Variants in MYBL1 observed in about 807,000 individuals in gnomAD.
MYBL1 encodes MYB proto-oncogene like 1.
A neutral mutation model predicts 96.3 loss-of-function variants in MYBL1; 17 were observed. That is an observed-to-expected ratio of 0.18 (90% CI 0.12 to 0.26). The LOEUF is 0.26. MYBL1 is among the 10% of genes least tolerant of loss of function. The pLI is 1.00. For missense variants in MYBL1, 701 were observed against 882.9 expected (o/e 0.79, Z 2.61); for synonymous variants, 282 against 292.7 (o/e 0.96, Z 0.37).
intron 8 of MYBL1, among the ~76,000 whole-genome samples, chr8:66,587,296 T>C (rs1380695317): frequency 6.6e-6 from 1 of 152,160 alleles, no homozygotes; most frequent in Non-Finnish European, 1.5e-5. Context: ...ATTGCATACA[T>C]GTATCAAAAT....
chr8:66,607,952 G>T (rs915764650), intron 1 of MYBL1, among the ~76,000 whole-genome samples: 11 of 152,128 alleles, frequency 7.2e-5, no homozygotes, highest in Admixed American at 5.2e-4. Flanking sequence ...CAGTATATTT[G>T]AGACTGCTTT....
chr8:66,592,664 G>A, intron 7 of MYBL1, 120 bp from the exon 8 acceptor site: 1 of 610,520 alleles, frequency 1.6e-6, no homozygotes, highest in Non-Finnish European at 2.7e-6. Context: ...AAAGCTTAAT[G>A]CTACTAAATA....
intron 1 of MYBL1, among the ~76,000 whole-genome samples, chr8:66,602,731 ATATTTTTTTTT>A (rs1810146118): frequency 1.0e-4 from 4 of 40,172 alleles, no homozygotes; most frequent in African/African-American, 2.9e-4. Flanking sequence ...ATATATATAT[ATATTTTTTTTT>A]TTTTTTTTTT....
chr8:66,576,102 G>C lies in MYBL1; in HGVS notation c.1375C>G (p.Pro459Ala), dbSNP rs1375240208. ...GAGCCATCCCTAAGTTCGCTGCCTG[G>C]GGAATGACCCACTCGCATTTTTCTC... ...KKRKMRVGHS[P>A]GSELRDGSLN... is the part of the protein sequence containing the mutation. Residue 459 changes from proline (P) to alanine (A), a missense_variant, in exon 10 of 16, where the codon CCA (proline) becomes GCA (alanine). Transcript: ENST00000522677. 1 of 1,613,918 alleles carries C rather than the reference G, an allele frequency of 6.2e-7. No homozygotes were observed. Among genetic ancestry groups the C allele is most frequent in the Non-Finnish European group, 8.5e-7 (1 of 1,179,862 alleles).
intron 8 of MYBL1, among the ~76,000 whole-genome samples, chr8:66,587,604 A>G (rs1809471451): frequency 6.6e-6 from 1 of 152,200 alleles, no homozygotes; most frequent in African/African-American, 2.4e-5. Flanking sequence ...TAAAGTGTGT[A>G]GCATTTTTCA....
At chr8:66,576,628 ATAAGTTATTATCAAAAAT>A (rs1563531874) in intron 9 of MYBL1, among the ~76,000 whole-genome samples, 1 of 152,166 alleles carries the variant, frequency 6.6e-6, no homozygotes, top group African/African-American at 2.4e-5. Flanking sequence ...AGAACAAATG[ATAAGTTATTATCAAAAAT>A]TAAGTTATTA....
intron 1 of MYBL1, among the ~76,000 whole-genome samples, chr8:66,609,410 G>A (rs571153742): frequency 2.4e-4 from 37 of 151,638 alleles, no homozygotes; most frequent in Non-Finnish European, 3.7e-4. Context: ...ACTCAAGTCC[G>A]AAATCTTTAT....
rs765182430 is a variant in MYBL1, at chr8:66,576,028, T to C, written c.1449A>G (p.Thr483=). ...CTACCTGTGAAGGAGAAAATGGTAG[T>C]GTTTTCAGTGGTGTATGTTTTAGCG... ...NMALKHTPLK[T]LPFSPSQFFN... Residue 483 remains threonine, a synonymous_variant, in exon 10 of 16, where the codon ACA becomes ACG. Transcript: ENST00000522677. The C allele has an allele frequency of 1.4e-5, 23 of 1,612,380 alleles. No homozygotes were observed. The highest frequency in any genetic ancestry group is 1.1e-4 in the East Asian group (5 of 44,866).
chr8:66,602,251 A>T (rs1170834300), intron 2 of MYBL1, among the ~76,000 whole-genome samples, 167 bp downstream of exon 2: 1 of 151,984 alleles, frequency 6.6e-6, no homozygotes, highest in Non-Finnish European at 1.5e-5. Flanking sequence ...GGGTTTCATC[A>T]TGTTGGCCAG....
In MYBL1 at chr8:66,612,820, T is replaced by C; in HGVS notation, c.19A>G (p.Ser7Gly). Reference protein sequence around the residue: MAKRSRSEDEDDDLQYA... With the variant: MAKRSRGEDEDDDLQYA... ...CTGGGCGAAAGGGGTGCCACCCACCTGCGCGACCTCTTCGCCATCCTTCAA... is the reference window on the plus strand; with the variant it reads ...CTGGGCGAAAGGGGTGCCACCCACCCGCGCGACCTCTTCGCCATCCTTCAA... Residue 7 changes from serine (S) to glycine (G), a missense_variant and splice_region_variant, in exon 1 of 16, where the codon AGT (serine) becomes GGT (glycine). This residue lies in a region of MYBL1 where 68 missense variants were observed against 93.8 expected (regional missense o/e 0.72). Transcript: ENST00000522677. 1.5e-6 allele frequency: 2 copies of C among 1,371,358 alleles called. No homozygotes were observed. Among genetic ancestry groups the C allele is most frequent in the Non-Finnish European group, 1.9e-6 (2 of 1,053,368 alleles). 84.9% of individuals were successfully genotyped at this position (1,371,358 alleles called of 1,614,324 possible). A position where few individuals can be genotyped will look rare whatever the true frequency, so the allele number is the denominator to read the frequency against.
intron 8 of MYBL1, among the ~76,000 whole-genome samples, chr8:66,591,452 T>G (rs933737832): frequency 6.6e-6 from 1 of 152,168 alleles, no homozygotes; most frequent in Non-Finnish European, 1.5e-5. Context: ...TTAATTCTAC[T>G]AGAATGATTA....
chr8:66,606,064 G>A (rs1340856866), intron 1 of MYBL1, among the ~76,000 whole-genome samples: 2 of 152,010 alleles, frequency 1.3e-5, no homozygotes, highest in Non-Finnish European at 2.9e-5. Context: ...GCTATACTAC[G>A]ACATACTGGA....
chr8:66,577,399 T>C (rs1440443178), intron 9 of MYBL1, among the ~76,000 whole-genome samples: 3 of 148,622 alleles, frequency 2.0e-5, no homozygotes, highest in Admixed American at 6.7e-5. Flanking sequence ...ACAAAATCAA[T>C]GTACAAAAAT....
At position 66,566,922 on chromosome 8, in the gene MYBL1, A is replaced by T. The variant is rs1288263804; in HGVS notation, c.1799T>A (p.Phe600Tyr). The T allele has an allele frequency of 5.6e-6, 9 of 1,613,392 alleles. No individual in the cohort carries two copies. The highest frequency in any genetic ancestry group is 1.1e-5 in the South Asian group (1 of 91,026). Residue 600 changes from phenylalanine to tyrosine, a missense_variant, in exon 13 of 16, where the codon TTC (phenylalanine) becomes TAC (tyrosine). Transcript: ENST00000522677. The stretch of plus-strand genomic sequence containing the variant: ...AGCAGGTTCATCTTCCTCTTTGAGG[A>T]ATAGGTCTGTTCCAGTTTCTTCTTT... Reference protein sequence around the residue: ...VLKEETGTDLFLKEEDEPAYK... With the variant: ...VLKEETGTDLYLKEEDEPAYK...
intron 10 of MYBL1, among the ~76,000 whole-genome samples, chr8:66,575,765 C>T (rs1001566591): frequency 4.0e-5 from 6 of 151,890 alleles, no homozygotes; most frequent in African/African-American, 1.5e-4. Flanking sequence ...ACTCCAACCT[C>T]GGCAACAAAG....
At chr8:66,607,359 CTTT>C in intron 1 of MYBL1, among the ~76,000 whole-genome samples, 1 of 152,282 alleles carries the variant, frequency 6.6e-6, no homozygotes. Context: ...TACCTTTCTT[CTTT>C]TTAATGTTTA....
At chr8:66,595,816 T>C (rs1313581730) in intron 5 of MYBL1, 59 bp from the exon 6 acceptor site, 1 of 1,152,344 alleles carries the variant, frequency 8.7e-7, no homozygotes, top group African/African-American at 1.6e-5. Context: ...TTCAACACTG[T>C]GTTAACTTGT....
At chr8:66,587,060 G>T (rs886941349) in intron 8 of MYBL1, among the ~76,000 whole-genome samples, 2 of 152,106 alleles carry the variant, frequency 1.3e-5, no homozygotes, top group Admixed American at 6.5e-5. Context: ...GAAGGGAAGC[G>T]GAGAAGGGAG....
Position 66,593,885 on chromosome 8 carries a change from C to T in MYBL1, c.688-691G>A, listed in dbSNP as rs180694211. Among the ~76,000 whole-genome samples the T allele has an allele frequency of 5.7e-3, 863 of 152,166 alleles. 8 individuals are homozygous for T. The highest frequency in any genetic ancestry group is 9.5e-3 in the Non-Finnish European group (647 of 67,986). ...GTACAGTGGCCCACCCCTGTAATTC[C>T]AGCACTTTGGGAGGCTGAGGGGGTA... On this transcript the variant is annotated intron_variant, in intron 6 of 15. Transcript: ENST00000522677.
Sources: gnomAD v4.1 joint callset for allele counts (sites outside exome capture counted in the v4.1 genomes callset) on GRCh38, gnomAD v4.1.1 for gene constraint, gnomAD v4.1.1 regional missense constraint, MANE v1.5 for transcripts, NCBI Gene and HGNC (gene_info 2026-07-23, HGNC 2026-07-21) for gene names.